The following CD86 variants were observed in gnomAD, a reference collection of about 807,000 sequenced individuals.
CD86 encodes CD86 molecule, also known as T-lymphocyte activation antigen CD86.
CD86 carries 11 observed loss-of-function variants against 32.1 expected under a neutral mutation model. The observed-to-expected ratio is 0.34, with a 90% CI of 0.22 to 0.57. The LOEUF (loss-of-function observed/expected upper bound fraction) is 0.57. Among genes scored for constraint, CD86 ranks in the 20% least tolerant of loss-of-function variants. The pLI is 0.86. For missense variants in CD86, 359 were observed against 398.4 expected, an observed-to-expected ratio of 0.90 and a Z score of 0.84; for synonymous variants, 137 against 135.3, an observed-to-expected ratio of 1.01 and a Z score of -0.09.
intron 2 of CD86, among the ~76,000 whole-genome samples, chr3:122,097,174 G>A (rs2072920886): frequency 6.6e-6 from 1 of 152,108 alleles, no homozygotes; most frequent in South Asian, 2.1e-4. Flanking sequence ...TCTCACTGAG[G>A]TTTAAATTGC....
intron 4 of CD86, among the ~76,000 whole-genome samples, chr3:122,107,083 C>T (rs949211269): frequency 6.6e-6 from 1 of 152,060 alleles, no homozygotes; most frequent in Non-Finnish European, 1.5e-5. Context: ...ATGGAAATAT[C>T]TGACTAAATT....
At chr3:122,066,589 A>T (rs975921508) in intron 1 of CD86, among the ~76,000 whole-genome samples, 1 of 152,198 alleles carries the variant, frequency 6.6e-6, no homozygotes, top group African/African-American at 2.4e-5. Context: ...TAAATTTTTT[A>T]AAAAATATTT....
chr3:122,071,598 CTT>C (rs1434301806), intron 1 of CD86, among the ~76,000 whole-genome samples: 2 of 152,092 alleles, frequency 1.3e-5, no homozygotes, highest in African/African-American at 4.8e-5. Context: ...GGACATAAGT[CTT>C]CAATTCAATT....
Position 122,120,053 on chromosome 3 carries a change from T to C in CD86, c.*519T>C, listed in dbSNP as rs2073319299. ...AAACATAGAGATCTATGTACTGTAA[T>C]AGTGTGATTACTATGCTCTAGAGAA... On this transcript the variant is annotated 3_prime_UTR_variant, in exon 7 of 7. Coordinates refer to ENST00000330540, the MANE Select transcript of CD86 (RefSeq NM_175862.5). The C allele has an allele frequency of 6.5e-6, 1 of 153,568 alleles. No homozygotes were observed. Among genetic ancestry groups the C allele is most frequent in the Non-Finnish European group, 1.4e-5 (1 of 69,172 alleles). The allele number at this position is 153,568 out of a possible 1,614,324, so 9.5% of individuals were successfully genotyped here.
chr3:122,094,832 C>T (rs1451806244), intron 2 of CD86, among the ~76,000 whole-genome samples: 2 of 152,192 alleles, frequency 1.3e-5, no homozygotes, highest in Admixed American at 6.5e-5. Context: ...CTGAAACGGG[C>T]ACCTGTGGCC....
At chr3:122,056,116 T>C (rs546493212) in intron 1 of CD86, among the ~76,000 whole-genome samples, 1 of 152,306 alleles carries the variant, frequency 6.6e-6, no homozygotes, top group East Asian at 1.9e-4. Flanking sequence ...CAATGACTTT[T>C]GGAAAGACAT....
chr3:122,084,870 C>T (rs2072690604), intron 1 of CD86, among the ~76,000 whole-genome samples: 1 of 152,086 alleles, frequency 6.6e-6, no homozygotes, highest in Admixed American at 6.6e-5. Flanking sequence ...GAGGAGTAGC[C>T]AAGGATATGT....
chr3:122,102,684 T>TGCC (rs1372330638), intron 2 of CD86, among the ~76,000 whole-genome samples: 1 of 152,156 alleles, frequency 6.6e-6, no homozygotes, highest in Non-Finnish European at 1.5e-5. Flanking sequence ...CATCCTCACC[T>TGCC]GCCCATCTAT....
intron 3 of CD86, among the ~76,000 whole-genome samples, chr3:122,105,020 TA>T (rs1190805612): frequency 6.6e-6 from 1 of 152,086 alleles, no homozygotes; most frequent in Non-Finnish European, 1.5e-5. Flanking sequence ...AACCATAGAG[TA>T]AAACAGAAGC....
In CD86 at chr3:122,109,298, T is replaced by A; in HGVS notation, c.737T>A (p.Ile246Asn). ...LEDPQPPPDH[I>N]PWITAVLPTV... is the part of the protein sequence containing the mutation. ...GACCCTCAGCCTCCCCCAGACCACATTCCTTGGATTACAGCTGTACTTCCA... is the reference window on the plus strand; with the variant it reads ...GACCCTCAGCCTCCCCCAGACCACAATCCTTGGATTACAGCTGTACTTCCA... The change falls in exon 5 of 7, where the codon ATT becomes AAT. Residue 246 changes from isoleucine (I) to asparagine (N), a missense_variant. Physicochemically the swap from Ile to Asn is moderately radical, Grantham distance 149 (BLOSUM62 -3). Transcript: ENST00000330540. The A allele has an allele frequency of 6.2e-7, 1 of 1,614,114 alleles. No individual in the cohort carries two copies. The highest frequency in any genetic ancestry group is 8.5e-7 in the Non-Finnish European group (1 of 1,179,964).
intron 2 of CD86, chr3:122,092,166 T>C (rs145323940): frequency 0.012 from 1,843 of 152,606 alleles, 25 homozygotes; most frequent in Middle Eastern, 0.027. Flanking sequence ...ACATACCTCA[T>C]GGTTGCCACG....
intron 1 of CD86, among the ~76,000 whole-genome samples, chr3:122,063,385 T>A (rs2072366058): frequency 6.6e-6 from 1 of 152,188 alleles, no homozygotes; most frequent in African/African-American, 2.4e-5. Context: ...ACCAAAATGT[T>A]TATTACATTA....
chr3:122,093,305 A>G (rs146264383), intron 2 of CD86, among the ~76,000 whole-genome samples: 9 of 152,300 alleles, frequency 5.9e-5, no homozygotes, highest in African/African-American at 2.2e-4. Flanking sequence ...TATATGCATG[A>G]GCCATCGCAC....
At chr3:122,098,442 G>A (rs759596716) in intron 2 of CD86, among the ~76,000 whole-genome samples, 10 of 152,128 alleles carry the variant, frequency 6.6e-5, no homozygotes, top group Non-Finnish European at 1.2e-4. Context: ...TGGCTGGGGA[G>A]AGTAAGCAGG....
intron 4 of CD86, among the ~76,000 whole-genome samples, chr3:122,108,192 T>C (rs2073120572): frequency 6.6e-6 from 1 of 152,216 alleles, no homozygotes; most frequent in Admixed American, 6.5e-5. Flanking sequence ...CAGAAATGTT[T>C]CAGCTCTAGC....
At chr3:122,103,447 G>T in intron 2 of CD86, 65 bp from the exon 3 acceptor site, 2 of 1,044,454 alleles carry the variant, frequency 1.9e-6, no homozygotes, top group South Asian at 3.1e-5. Context: ...TGTATAAAGA[G>T]AAATGGAGGT....
chr3:122,084,918 A>T (rs1335417941), intron 1 of CD86, among the ~76,000 whole-genome samples: 1 of 152,212 alleles, frequency 6.6e-6, no homozygotes, highest in Non-Finnish European at 1.5e-5. Context: ...TTCAGATCTC[A>T]GTTTAGGCTG....
intron 1 of CD86, among the ~76,000 whole-genome samples, chr3:122,065,138 G>A (rs953141628): frequency 6.6e-6 from 1 of 152,108 alleles, no homozygotes; most frequent in Non-Finnish European, 1.5e-5. Context: ...ACACAACCAG[G>A]ATTCCAAATG....
intron 1 of CD86, among the ~76,000 whole-genome samples, chr3:122,063,714 C>G (rs2072371589): frequency 6.6e-6 from 1 of 151,788 alleles, no homozygotes; most frequent in Non-Finnish European, 1.5e-5. Flanking sequence ...CGCCACCACA[C>G]CCAGCTAATT....
Sources: gnomAD v4.1 joint callset for allele counts (sites outside exome capture counted in the v4.1 genomes callset) on GRCh38, gnomAD v4.1.1 for gene constraint, MANE v1.5 for transcripts, NCBI Gene and HGNC (gene_info 2026-07-23, HGNC 2026-07-21) for gene names.